Variants in MACROD2 observed in about 807,000 individuals in gnomAD.
MACROD2 encodes the protein ADP-ribose glycohydrolase MACROD2.
In MACROD2, 36 loss-of-function variants were observed where a neutral mutation model predicts 70.4. The ratio of observed to expected loss-of-function variants is 0.51; its 90% CI spans 0.39 to 0.68. The LOEUF (loss-of-function observed/expected upper bound fraction) is 0.68, where lower values mean the gene tolerates loss of function less well. MACROD2 is among the 30% of genes least tolerant of loss of function. The pLI is 0.00. For missense variants in MACROD2, 496 were observed against 538.4 expected (o/e 0.92, Z 0.78); for synonymous variants, 172 against 178.8 (o/e 0.96, Z 0.30).
At chr20:15,864,634 GT>G (rs2064467571) in intron 9 of MACROD2, among the ~76,000 whole-genome samples, 1 of 152,018 alleles carries the variant, frequency 6.6e-6, no homozygotes, top group South Asian at 2.1e-4. Context: ...AAATGAGACA[GT>G]TTTAGGAGGG....
At position 15,869,681 on chromosome 20, in the gene MACROD2, T is replaced by A. The variant is rs1343670345; in HGVS notation, c.727+6855T>A. Among the ~76,000 whole-genome samples the A allele has an allele frequency of 2.0e-5, 3 of 152,200 alleles. No individual in the cohort carries two copies. The South Asian group carries it at 6.2e-4, about 32-fold the overall frequency. On this transcript the variant is annotated intron_variant, in intron 9 of 17. Transcript: ENST00000684519. ...TTATAAGTTTATAAATTATAAACTT[T>A]ACTGGAAATGTTTTGTGGTCTTAAA...
At chr20:14,210,863 A>G (rs1430125397) in intron 3 of MACROD2, among the ~76,000 whole-genome samples, 1 of 152,140 alleles carries the variant, frequency 6.6e-6, no homozygotes, top group Admixed American at 6.5e-5. Context: ...TTTTCAGATG[A>G]TTGGCTGATT....
At chr20:15,917,619 C>G (rs573751827) in intron 10 of MACROD2, among the ~76,000 whole-genome samples, 11 of 152,072 alleles carry the variant, frequency 7.2e-5, no homozygotes, top group Non-Finnish European at 1.0e-4. Flanking sequence ...CAGCATGCCT[C>G]GTGAATGACA....
At chr20:14,809,385 A>G (rs749568738) in intron 5 of MACROD2, among the ~76,000 whole-genome samples, 27 of 152,128 alleles carry the variant, frequency 1.8e-4, no homozygotes, top group Admixed American at 3.9e-4. Context: ...TTTGAAACCA[A>G]TGAGAACAAA....
intron 8 of MACROD2, among the ~76,000 whole-genome samples, chr20:15,596,506 G>A (rs1227362111): frequency 1.3e-5 from 2 of 152,100 alleles, no homozygotes; most frequent in Non-Finnish European, 2.9e-5. Context: ...TGCTGGATTT[G>A]GTCAACTTCC....
intron 3 of MACROD2, among the ~76,000 whole-genome samples, chr20:14,429,515 G>T (rs2083971549): frequency 6.6e-6 from 1 of 152,160 alleles, no homozygotes; most frequent in Non-Finnish European, 1.5e-5. Context: ...AAAGCTTCAA[G>T]GAGAAATTGC....
intron 8 of MACROD2, among the ~76,000 whole-genome samples, chr20:15,566,750 G>A (rs2048315864): frequency 6.6e-6 from 1 of 152,146 alleles, no homozygotes; most frequent in African/African-American, 2.4e-5. Context: ...GTGTGAATAA[G>A]CATCACTCTG....
chr20:15,512,918 A>T (rs1466474607), intron 8 of MACROD2, among the ~76,000 whole-genome samples: 1 of 152,224 alleles, frequency 6.6e-6, no homozygotes, highest in African/African-American at 2.4e-5. Context: ...GTGCAAATGG[A>T]GCTACAAATG....
At position 14,326,511 on chromosome 20, in the gene MACROD2, G is replaced by A. The variant is rs766443058; in HGVS notation, c.272-166968G>A. The A allele has an allele frequency of 1.9e-6, 3 of 1,613,880 alleles. No individual in the cohort carries two copies. In the South Asian group the frequency reaches 3.3e-5, roughly 18 times the overall value. On this transcript the variant is annotated intron_variant, in intron 3 of 17. Transcript: ENST00000684519. This position sits in a 1 kb window ranked among gnomAD's most constrained non-coding sequence, Gnocchi z 5.5. Reference sequence around the variant, plus strand: ...GAACCTTTTCTGGGGCTTGGCACATGAGCCCACGCACGTTGACCTTCACAG... The same window carrying A: ...GAACCTTTTCTGGGGCTTGGCACATAAGCCCACGCACGTTGACCTTCACAG...
intron 3 of MACROD2, among the ~76,000 whole-genome samples, chr20:14,180,203 C>T (rs1262178594): frequency 6.6e-6 from 1 of 151,700 alleles, no homozygotes; most frequent in Non-Finnish European, 1.5e-5. Context: ...AGTAGCAGTC[C>T]TAGCGAGGGA....
Position 14,872,338 on chromosome 20 carries a change from T to A in MACROD2, c.418+187379T>A, listed in dbSNP as rs963371692. 2.0e-5 allele frequency among the ~76,000 whole-genome samples: 3 copies of A among 152,236 alleles called. No homozygotes were observed. In the South Asian group the frequency reaches 6.2e-4, roughly 32 times the overall value. ...GTGGCACTTGTCACTTTTTCCCACATTGCTATTGCCAAGTTCTGGTCATAT... is the reference window on the plus strand; with the variant it reads ...GTGGCACTTGTCACTTTTTCCCACAATGCTATTGCCAAGTTCTGGTCATAT... On this transcript the variant is annotated intron_variant, in intron 5 of 17. Transcript: ENST00000684519.
chr20:15,430,491 T>A (rs965149566), intron 6 of MACROD2, among the ~76,000 whole-genome samples: 1 of 152,024 alleles, frequency 6.6e-6, no homozygotes, highest in African/African-American at 2.4e-5. Context: ...TAAAACAGCT[T>A]GGTTGAATTT....
intron 5 of MACROD2, among the ~76,000 whole-genome samples, chr20:14,934,318 A>G (rs996873800): frequency 6.6e-6 from 1 of 152,214 alleles, no homozygotes; most frequent in African/African-American, 2.4e-5. Context: ...GCAACAGAAG[A>G]AGGCCACATT....
chr20:15,624,614 CACAGCCATGCCCA>C (rs2049175887), intron 8 of MACROD2, among the ~76,000 whole-genome samples: 2 of 152,132 alleles, frequency 1.3e-5, no homozygotes, highest in African/African-American at 2.4e-5. Flanking sequence ...TTTATTGAAA[CACAGCCATGCCCA>C]TTTTTAAAAT....
intron 3 of MACROD2, among the ~76,000 whole-genome samples, chr20:14,347,493 A>G (rs1011809659): frequency 6.6e-6 from 1 of 152,190 alleles, no homozygotes; most frequent in East Asian, 1.9e-4. Flanking sequence ...AGACGAAAAT[A>G]TAGTAAAATC....
intron 5 of MACROD2, among the ~76,000 whole-genome samples, chr20:14,731,817 A>C (rs2071601604): frequency 6.6e-6 from 1 of 152,196 alleles, no homozygotes; most frequent in African/African-American, 2.4e-5. Context: ...TGAATGCAGA[A>C]GCAGATACGA....
intron 2 of MACROD2, among the ~76,000 whole-genome samples, chr20:14,028,006 C>T (rs1418005476): frequency 6.6e-6 from 1 of 152,202 alleles, no homozygotes; most frequent in Non-Finnish European, 1.5e-5. Context: ...GCTGAAGCTG[C>T]GCTCACAGCC....
intron 8 of MACROD2, among the ~76,000 whole-genome samples, chr20:15,603,666 A>G (rs938944336): frequency 3.9e-5 from 6 of 152,156 alleles, no homozygotes; most frequent in Non-Finnish European, 7.3e-5. Context: ...ACCTTTTACC[A>G]TTTGTGAAAG....
At chr20:14,281,089 A>C (rs2082302604) in intron 3 of MACROD2, among the ~76,000 whole-genome samples, 1 of 152,214 alleles carries the variant, frequency 6.6e-6, no homozygotes, top group Non-Finnish European at 1.5e-5. Flanking sequence ...GTCTTTACCC[A>C]AGAAAATCAC....
Sources: gnomAD v4.1 joint callset for allele counts (sites outside exome capture counted in the v4.1 genomes callset) on GRCh38, gnomAD v4.1.1 for gene constraint, Gnocchi (gnomAD v3.1) non-coding constraint, MANE v1.5 for transcripts, NCBI Gene and HGNC (gene_info 2026-07-23, HGNC 2026-07-21) for gene names.